Variants in SMARCA4 observed in about 807,000 individuals in gnomAD.
SMARCA4 encodes SWI/SNF related BAF chromatin remodeling complex subunit ATPase 4, also known as SWI/SNF-related matrix-associated actin-dependent regulator of chromatin subfamily A member 4.
Under a neutral mutation model 193.9 loss-of-function variants are expected in SMARCA4, and 31 were observed. That is an observed-to-expected ratio of 0.16 (90% CI 0.12 to 0.22). SMARCA4 has a LOEUF of 0.22. Among genes scored for constraint, SMARCA4 ranks in the 10% least tolerant of loss-of-function variants. The probability of loss-of-function intolerance (pLI) is 1.00; values close to 1 mark genes in which losing one functional copy is unlikely to be tolerated. For synonymous variants in SMARCA4, 942 were observed against 933.1 expected (o/e 1.01, Z -0.17); for missense variants, 1,148 against 2,296.0 (o/e 0.50, Z 10.22).
At position 11,019,717 on chromosome 19, in the gene SMARCA4, G is replaced by A. The variant is rs1440528521; in HGVS notation, c.2616+16G>A. On this transcript the variant is annotated intron_variant, in intron 18 of 34. Transcript: ENST00000344626. This position sits in a 1 kb window ranked among gnomAD's most constrained non-coding sequence, Gnocchi z 6.1. ...CCTCGCCAAGGTAACGTGTCCCTGT[G>A]GGAAATGCCAGGCCATGGGCCGAGT... is the stretch of plus-strand genomic sequence containing the variant. The A allele has an allele frequency of 6.4e-7, 1 of 1,573,174 alleles. No homozygotes were observed. Among genetic ancestry groups the A allele is most frequent in the Non-Finnish European group, 8.7e-7 (1 of 1,143,964 alleles).
chr19:11,007,861 T>G (rs750301953), intron 13 of SMARCA4, 41 bp from the exon 14 acceptor site: 1 of 1,609,830 alleles, frequency 6.2e-7, no homozygotes, highest in Admixed American at 1.7e-5. Context: ...CCCCCCTCTC[T>G]GGGGGATGAA....
At chr19:10,967,685 GTTT>G (rs111496379) in intron 1 of SMARCA4, among the ~76,000 whole-genome samples, 1 of 126,786 alleles carries the variant, frequency 7.9e-6, no homozygotes. Flanking sequence ...CAAATGTGTG[GTTT>G]TTTTTTTTTT....
At position 10,985,189 on chromosome 19, in the gene SMARCA4, C is replaced by G. The variant is rs571227925; in HGVS notation, c.223-84C>G. The G allele has an allele frequency of 6.8e-7, 1 of 1,472,414 alleles. No individual in the cohort carries two copies. Among genetic ancestry groups the G allele is most frequent in the East Asian group, 2.3e-5 (1 of 44,178 alleles). The allele number at this position is 1,472,414 out of a possible 1,614,324, so 91.2% of individuals were successfully genotyped here. A position where few individuals can be genotyped will look rare whatever the true frequency, so the allele number is the denominator to read the frequency against. On this transcript the variant is annotated intron_variant, in intron 2 of 34. Coordinates refer to ENST00000344626, the MANE Select transcript of SMARCA4 (RefSeq NM_003072.5). The surrounding 1 kb of genome is among the most constrained non-coding windows in gnomAD (Gnocchi z 4.5). ...TTCGGGTGGCTGTTCTCGGTGCCCT[C>G]GAGCTTCTCTCGGGCAGCGCATAGC...
intron 16 of SMARCA4, chr19:11,016,115 G>A (rs1457687075): frequency 1.3e-5 from 2 of 152,264 alleles, no homozygotes; most frequent in African/African-American, 4.8e-5. Context: ...AGGCAAAGGG[G>A]AGCCAGTGTG....
intron 16 of SMARCA4, chr19:11,018,323 C>G (rs572806744): frequency 5.3e-6 from 1 of 190,056 alleles, no homozygotes; most frequent in African/African-American, 2.3e-5. Flanking sequence ...TCTAGGCTGT[C>G]GGTCTCAGGT....
At chr19:11,004,031 T>C (rs1239866029) in intron 13 of SMARCA4, among the ~76,000 whole-genome samples, 2 of 151,404 alleles carry the variant, frequency 1.3e-5, no homozygotes, top group Admixed American at 1.3e-4. Context: ...TTTGTTGTTG[T>C]TTTGAAATGG....
chr19:11,028,126 G>T (rs2090391677), intron 24 of SMARCA4, among the ~76,000 whole-genome samples, 176 bp downstream of exon 24: 1 of 152,210 alleles, frequency 6.6e-6, no homozygotes, highest in African/African-American at 2.4e-5. Context: ...ACTGGGACAG[G>T]CCGTGGATTG....
intron 30 of SMARCA4, among the ~76,000 whole-genome samples, chr19:11,050,766 C>G (rs1374806715): frequency 6.6e-6 from 1 of 152,270 alleles, no homozygotes; most frequent in African/African-American, 2.4e-5. Flanking sequence ...GTGTTTGTCA[C>G]ACTCCTTCAA....
intron 16 of SMARCA4, among the ~76,000 whole-genome samples, chr19:11,014,915 C>T (rs571604824): frequency 4.7e-4 from 72 of 151,996 alleles, no homozygotes; most frequent in African/African-American, 1.7e-3. Flanking sequence ...TGGGTTCAAG[C>T]GATTCTCCTG....
chr19:11,009,999 T>G (rs1037046736), intron 14 of SMARCA4, among the ~76,000 whole-genome samples: 1 of 151,858 alleles, frequency 6.6e-6, no homozygotes, highest in Non-Finnish European at 1.5e-5. Flanking sequence ...TAATTTTTGT[T>G]TTTTGTAGTA....
Position 11,026,426 on chromosome 19 carries a change from C to T in SMARCA4, c.3215+80C>T, listed in dbSNP as rs1337278351. Reference sequence around the variant, plus strand: ...TGTCGTTTTGTTGGCTTTATTGCTGCTGTTATGTTGTCCAATTTCAAAGGC... The same window carrying T: ...TGTCGTTTTGTTGGCTTTATTGCTGTTGTTATGTTGTCCAATTTCAAAGGC... On this transcript the variant is annotated intron_variant, in intron 23 of 34. Transcript: ENST00000344626. The T allele has an allele frequency of 9.6e-6, 10 of 1,037,338 alleles. 1 individual carries two copies. In the Admixed American group the frequency reaches 1.2e-4, roughly 12 times the overall value. 64.3% of individuals were successfully genotyped at this position (1,037,338 alleles called of 1,614,324 possible). A position where few individuals can be genotyped will look rare whatever the true frequency, so the allele number is the denominator to read the frequency against.
At chr19:11,056,531 G>A (rs558510084) in intron 30 of SMARCA4, 1 of 152,518 alleles carries the variant, frequency 6.6e-6, no homozygotes, top group East Asian at 1.9e-4. Flanking sequence ...GTCCAGGCCA[G>A]GAGATTCACT....
chr19:11,013,747 C>T (rs986948604), intron 16 of SMARCA4, among the ~76,000 whole-genome samples: 1 of 152,272 alleles, frequency 6.6e-6, no homozygotes, highest in Middle Eastern at 3.4e-3. Context: ...CTCCATTGAA[C>T]AGTCTCTACT....
At chr19:11,015,060 G>A (rs1009366338) in intron 16 of SMARCA4, among the ~76,000 whole-genome samples, 2 of 152,170 alleles carry the variant, frequency 1.3e-5, no homozygotes, top group Admixed American at 6.5e-5. Flanking sequence ...TGATCTGCCC[G>A]CCTTGGCCTC....
chr19:11,047,489 ACCTCT>A (rs1317457134), intron 30 of SMARCA4: 1 of 151,202 alleles, frequency 6.6e-6, no homozygotes, highest in African/African-American at 2.4e-5. Context: ...GCTCACTGTA[ACCTCT>A]GCCTCCTGGG....
intron 1 of SMARCA4, among the ~76,000 whole-genome samples, chr19:10,966,689 C>G (rs1441417208): frequency 6.6e-6 from 1 of 151,284 alleles, no homozygotes; most frequent in African/African-American, 2.4e-5. Flanking sequence ...AGTTCAAGAC[C>G]AGCCTGGGCA....
intron 16 of SMARCA4, 131 bp downstream of exon 16, chr19:11,013,243 A>G: frequency 1.0e-6 from 1 of 992,444 alleles, no homozygotes; most frequent in East Asian, 2.6e-5. Flanking sequence ...TGGAGGCCAG[A>G]AGTCCAGGGT....
chr19:11,019,195 G>A lies in SMARCA4; in HGVS notation c.2505+172G>A. On this transcript the variant is annotated intron_variant, in intron 17 of 34. Transcript: ENST00000344626. The surrounding 1 kb of genome is among the most constrained non-coding windows in gnomAD (Gnocchi z 6.1). ...TCACATGGATCCGGGAGTTTGGACTGGGCAGGGACAGGGCAGATTAGCTCA... is the reference window on the plus strand; with the variant it reads ...TCACATGGATCCGGGAGTTTGGACTAGGCAGGGACAGGGCAGATTAGCTCA... 1 of 698,062 alleles carries A rather than the reference G, an allele frequency of 1.4e-6. No homozygotes were observed. Among genetic ancestry groups the A allele is most frequent in the East Asian group, 2.7e-5 (1 of 37,072 alleles). The allele number at this position is 698,062 out of a possible 1,614,324, so 43.2% of individuals were successfully genotyped here. A position where few individuals can be genotyped will look rare whatever the true frequency, so the allele number is the denominator to read the frequency against.
chr19:11,039,306 A>G (rs918661172), intron 29 of SMARCA4, among the ~76,000 whole-genome samples: 3 of 152,156 alleles, frequency 2.0e-5, no homozygotes, highest in Non-Finnish European at 4.4e-5. Context: ...GTGAGCCAAG[A>G]TCGCACCACT....
Sources: gnomAD v4.1 joint callset for allele counts (sites outside exome capture counted in the v4.1 genomes callset) on GRCh38, gnomAD v4.1.1 for gene constraint, Gnocchi (gnomAD v3.1) non-coding constraint, MANE v1.5 for transcripts, NCBI Gene and HGNC (gene_info 2026-07-23, HGNC 2026-07-21) for gene names.